CDH12: variants seen among roughly 807,000 people sequenced by gnomAD.
CDH12 encodes cadherin-12.
In CDH12, 41 loss-of-function variants were observed where a neutral mutation model predicts 74.1. That is an observed-to-expected ratio of 0.55 (90% CI 0.43 to 0.72). CDH12 has a LOEUF of 0.72. Among genes scored for constraint, CDH12 ranks in the 30% least tolerant of loss-of-function variants. CDH12 has a pLI of 0.00. For missense variants in CDH12, 945 were observed against 977.2 expected, an observed-to-expected ratio of 0.97 and a Z score of 0.44; for synonymous variants, 399 against 355.0, an observed-to-expected ratio of 1.12 and a Z score of -1.39.
intron 2 of CDH12, among the ~76,000 whole-genome samples, chr5:22,446,063 A>C (rs538081785): frequency 4.5e-4 from 68 of 152,148 alleles, no homozygotes; most frequent in Non-Finnish European, 8.5e-4. Flanking sequence ...AATGCTGGAC[A>C]AACAGGCAAC....
intron 4 of CDH12, among the ~76,000 whole-genome samples, chr5:22,111,590 T>C (rs1185656438): frequency 1.3e-5 from 2 of 152,198 alleles, no homozygotes; most frequent in Non-Finnish European, 2.9e-5. Flanking sequence ...TTATATAATA[T>C]ACTTGTTCAC....
At chr5:21,911,434 G>T (rs1753853941) in intron 6 of CDH12, among the ~76,000 whole-genome samples, 1 of 151,980 alleles carries the variant, frequency 6.6e-6, no homozygotes, top group South Asian at 2.1e-4. Context: ...ACTAAAAAGT[G>T]AAGGGCTATT....
Position 21,886,952 on chromosome 5 carries a change from T to C in CDH12, c.527-32162A>G, listed in dbSNP as rs117990528. On this transcript the variant is annotated intron_variant, in intron 6 of 14. Coordinates refer to ENST00000382254, the MANE Select transcript of CDH12 (RefSeq NM_004061.5). ...GGGGCCGTGAGAGTCATGGAGACAA[T>C]AGTCTCTGGTTAGTTTCCTCTAGTG... Among the ~76,000 whole-genome samples, 20 of 152,248 alleles carry C rather than the reference T, an allele frequency of 1.3e-4. No individual in the cohort carries two copies. The East Asian group carries it at 3.9e-3, about 29-fold the overall frequency.
intron 4 of CDH12, among the ~76,000 whole-genome samples, chr5:22,084,251 C>A (rs1185484390): frequency 4.6e-5 from 7 of 152,092 alleles, no homozygotes; most frequent in African/African-American, 1.7e-4. Flanking sequence ...TGATCTTGAA[C>A]TGTGGATGTA....
intron 2 of CDH12, among the ~76,000 whole-genome samples, chr5:22,504,888 G>T (rs1736319193): frequency 6.6e-6 from 1 of 151,896 alleles, no homozygotes; most frequent in African/African-American, 2.4e-5. Context: ...CGCTAATTAT[G>T]AGGGACTAGA....
chr5:22,258,850 G>A (rs1021243250), intron 3 of CDH12, among the ~76,000 whole-genome samples: 2 of 152,080 alleles, frequency 1.3e-5, no homozygotes, highest in African/African-American at 4.8e-5. Flanking sequence ...ACCTAGGTTT[G>A]CGTTAAGTAC....
At chr5:21,792,850 T>C (rs1746581176) in intron 10 of CDH12, among the ~76,000 whole-genome samples, 1 of 151,814 alleles carries the variant, frequency 6.6e-6, no homozygotes. Flanking sequence ...AAATGAGGTT[T>C]AGACAAATAA....
chr5:21,755,546 A>G (rs747263984), intron 14 of CDH12, 45 bp downstream of exon 14: 7 of 1,570,718 alleles, frequency 4.5e-6, no homozygotes, highest in Non-Finnish European at 6.1e-6. Flanking sequence ...AAAAAAAGGA[A>G]GAGAGAGCGA....
intron 1 of CDH12, among the ~76,000 whole-genome samples, chr5:22,668,787 G>A (rs764770328): frequency 1.7e-4 from 26 of 152,160 alleles, no homozygotes; most frequent in Admixed American, 6.5e-4. Context: ...CATAGCAGCT[G>A]TGTCTGTTGA....
rs552217418 is a variant in CDH12, at chr5:22,197,215, G to C, written c.-187+15283C>G. ...ATCCCAGCACTTTGGGAGGCCAAAGGGGGAGGATCATGAGGTCAGGAGATC... is the reference window on the plus strand; with the variant it reads ...ATCCCAGCACTTTGGGAGGCCAAAGCGGGAGGATCATGAGGTCAGGAGATC... On this transcript the variant is annotated intron_variant, in intron 4 of 14. Transcript: ENST00000382254. Among the ~76,000 whole-genome samples, 266 of 152,204 alleles carry C rather than the reference G, an allele frequency of 1.7e-3. 1 individual carries two copies. Among genetic ancestry groups the C allele is most frequent in the Middle Eastern group, 0.01 (3 of 292 alleles).
chr5:22,805,540 T>C (rs1410589183), intron 1 of CDH12, among the ~76,000 whole-genome samples: 1 of 152,182 alleles, frequency 6.6e-6, no homozygotes, highest in Non-Finnish European at 1.5e-5. Flanking sequence ...TTGCTTAATT[T>C]GTGATCCTTA....
intron 6 of CDH12, among the ~76,000 whole-genome samples, chr5:21,870,981 C>T (rs1751587060): frequency 6.6e-6 from 1 of 152,160 alleles, no homozygotes; most frequent in African/African-American, 2.4e-5. Context: ...ATCTACCCAC[C>T]TCGACATTCC....
intron 5 of CDH12, among the ~76,000 whole-genome samples, chr5:22,019,742 A>G (rs1206161814): frequency 6.6e-6 from 1 of 152,226 alleles, no homozygotes; most frequent in African/African-American, 2.4e-5. Context: ...ATGACAGCCC[A>G]AGATGACTAA....
chr5:22,219,672 T>A (rs1751942599), intron 3 of CDH12, among the ~76,000 whole-genome samples: 1 of 151,700 alleles, frequency 6.6e-6, no homozygotes, highest in South Asian at 2.1e-4. Flanking sequence ...GTTTTTGTAG[T>A]AATGGTAAAA....
At chr5:21,974,645 A>G (rs1756985399) in intron 6 of CDH12, among the ~76,000 whole-genome samples, 1 of 152,166 alleles carries the variant, frequency 6.6e-6, no homozygotes, top group African/African-American at 2.4e-5. Flanking sequence ...TTACAGCTAC[A>G]AAAGATGCAT....
chr5:22,787,886 A>C (rs540723739), intron 1 of CDH12, among the ~76,000 whole-genome samples: 65 of 152,332 alleles, frequency 4.3e-4, no homozygotes, highest in African/African-American at 1.5e-3. Context: ...AGAAGGCAAG[A>C]GAGAGAAAAA....
chr5:22,716,282 G>A (rs1392602412), intron 1 of CDH12, among the ~76,000 whole-genome samples: 5 of 152,140 alleles, frequency 3.3e-5, no homozygotes, highest in Non-Finnish European at 7.3e-5. Flanking sequence ...TGAAGGGCAA[G>A]ATGAGAATAC....
chr5:22,662,633 G>A (rs1204966370), intron 1 of CDH12, among the ~76,000 whole-genome samples: 1 of 152,196 alleles, frequency 6.6e-6, no homozygotes, highest in Non-Finnish European at 1.5e-5. Context: ...CATAAAGCCA[G>A]GATATAAATA....
intron 1 of CDH12, among the ~76,000 whole-genome samples, chr5:22,758,862 G>A (rs749635577): frequency 9.2e-5 from 14 of 152,202 alleles, no homozygotes; most frequent in Middle Eastern, 3.4e-3. Flanking sequence ...CATGCTTCAG[G>A]CAATCACTAA....
Sources: gnomAD v4.1 joint callset for allele counts (sites outside exome capture counted in the v4.1 genomes callset) on GRCh38, gnomAD v4.1.1 for gene constraint, MANE v1.5 for transcripts, NCBI Gene and HGNC (gene_info 2026-07-23, HGNC 2026-07-21) for gene names.